TENM3: variants seen among roughly 807,000 people sequenced by gnomAD.
TENM3 encodes teneurin transmembrane protein 3.
TENM3 carries 63 observed loss-of-function variants against 255.1 expected under a neutral mutation model. The ratio of observed to expected loss-of-function variants is 0.25; its 90% CI spans 0.20 to 0.30. The LOEUF (loss-of-function observed/expected upper bound fraction) is 0.30, where lower values mean the gene tolerates loss of function less well. Among genes scored for constraint, TENM3 ranks in the 10% least tolerant of loss-of-function variants. TENM3 has a pLI of 1.00. For missense variants in TENM3, 2,929 were observed against 3,461.1 expected (o/e 0.85, Z 3.86); for synonymous variants, 1,306 against 1,322.3 (o/e 0.99, Z 0.27).
chr4:182,127,069 T>C, the TENM3 span, among the ~76,000 whole-genome samples: 1 of 152,354 alleles, frequency 6.6e-6, no homozygotes, highest in Admixed American at 6.5e-5. Flanking sequence ...TAGGACATCA[T>C]ATACTGCAAT....
chr4:182,447,883 AAAATT>A (rs2151294588), intron 3 of TENM3, among the ~76,000 whole-genome samples: 1 of 152,344 alleles, frequency 6.6e-6, no homozygotes, highest in South Asian at 2.1e-4. Context: ...TTCTGGAAGA[AAAATT>A]AAAGGAAGGA....
chr4:181,579,388 G>T, the TENM3 span, among the ~76,000 whole-genome samples: 16 of 152,084 alleles, frequency 1.1e-4, no homozygotes, highest in Non-Finnish European at 2.1e-4. Context: ...CTCGAATTTT[G>T]TAATTTAAGA....
the TENM3 span, among the ~76,000 whole-genome samples, chr4:181,825,394 C>G: frequency 1.2e-5 from 1 of 84,572 alleles, no homozygotes; most frequent in Non-Finnish European, 2.1e-5. Flanking sequence ...GAGTGAGACT[C>G]CATCTCAAAA....
chr4:182,696,484 T>C (rs1210799720), intron 12 of TENM3, among the ~76,000 whole-genome samples: 1 of 152,172 alleles, frequency 6.6e-6, no homozygotes, highest in Non-Finnish European at 1.5e-5. Context: ...CCCAGCACTT[T>C]GGGAGGCCAA....
At chr4:182,131,928 C>T in the TENM3 span, among the ~76,000 whole-genome samples, 1 of 152,058 alleles carries the variant, frequency 6.6e-6, no homozygotes, top group African/African-American at 2.4e-5. Flanking sequence ...GGATTACCAA[C>T]TTCTACAAGC....
At chr4:182,419,339 C>G (rs576227795) in intron 3 of TENM3, among the ~76,000 whole-genome samples, 4 of 152,222 alleles carry the variant, frequency 2.6e-5, no homozygotes, top group East Asian at 3.9e-4. Flanking sequence ...CACACCAGTT[C>G]GAATGGCAAT....
At chr4:181,573,299 T>G in the TENM3 span, among the ~76,000 whole-genome samples, 2 of 152,170 alleles carry the variant, frequency 1.3e-5, no homozygotes, top group African/African-American at 4.8e-5. Flanking sequence ...TATTTTTAGT[T>G]TTTTGAGGAA....
intron 4 of TENM3, among the ~76,000 whole-genome samples, chr4:182,620,677 A>G (rs903626363): frequency 6.6e-6 from 1 of 152,220 alleles, no homozygotes; most frequent in East Asian, 1.9e-4. Flanking sequence ...TTCTTTACTT[A>G]CATACTAGAA....
intron 1 of TENM3, among the ~76,000 whole-genome samples, chr4:182,181,042 T>C (rs1752809518): frequency 6.6e-6 from 1 of 152,160 alleles, no homozygotes; most frequent in Non-Finnish European, 1.5e-5. Flanking sequence ...TTTTTTAATT[T>C]ACTAGAGATA....
the TENM3 span, among the ~76,000 whole-genome samples, chr4:181,929,701 T>C: frequency 6.6e-6 from 1 of 152,052 alleles, no homozygotes; most frequent in Non-Finnish European, 1.5e-5. Context: ...TCTACAGAAC[T>C]CTCCACCTCA....
At chr4:182,145,209 C>T (rs537416873) in intron 1 of TENM3, 1 of 152,170 alleles carries the variant, frequency 6.6e-6, no homozygotes, top group African/African-American at 2.4e-5. Context: ...GGGATGTCAC[C>T]GCTTTCCGGG....
the TENM3 span, among the ~76,000 whole-genome samples, chr4:181,453,089 A>C: frequency 6.6e-6 from 1 of 152,322 alleles, no homozygotes; most frequent in East Asian, 1.9e-4. Context: ...TAGAGCAGGA[A>C]AACTCAGATC....
At chr4:182,605,615 G>A (rs993574073) in intron 4 of TENM3, among the ~76,000 whole-genome samples, 1 of 152,154 alleles carries the variant, frequency 6.6e-6, no homozygotes, top group Non-Finnish European at 1.5e-5. Flanking sequence ...GACTAGGAAG[G>A]GATATTGTTT....
intron 27 of TENM3, 39 bp downstream of exon 27, chr4:182,796,806 C>G (rs1322991980): frequency 4.5e-6 from 7 of 1,545,530 alleles, no homozygotes; most frequent in Non-Finnish European, 6.2e-6. Flanking sequence ...TGATAAGTAG[C>G]TTGTGTCTTA....
the TENM3 span, among the ~76,000 whole-genome samples, chr4:181,634,023 A>T: frequency 6.6e-6 from 1 of 152,132 alleles, no homozygotes; most frequent in Non-Finnish European, 1.5e-5. Context: ...TGTGACTTCC[A>T]TCTTCAGTTC....
the TENM3 span, among the ~76,000 whole-genome samples, chr4:181,784,733 A>T: frequency 6.6e-6 from 1 of 152,200 alleles, no homozygotes; most frequent in East Asian, 1.9e-4. Context: ...TTTCAAACCA[A>T]GGGACAGTCA....
chr4:181,892,043 A>C, the TENM3 span, among the ~76,000 whole-genome samples: 2 of 152,344 alleles, frequency 1.3e-5, no homozygotes, highest in South Asian at 2.1e-4. Flanking sequence ...GAGGCTCACC[A>C]GACACCAAAC....
the TENM3 span, among the ~76,000 whole-genome samples, chr4:181,493,731 C>A: frequency 6.6e-6 from 1 of 152,010 alleles, no homozygotes; most frequent in Non-Finnish European, 1.5e-5. Flanking sequence ...GCAACAGGAG[C>A]AAAACTCCAT....
At chr4:181,745,533 T>C in the TENM3 span, among the ~76,000 whole-genome samples, 2 of 152,148 alleles carry the variant, frequency 1.3e-5, no homozygotes, top group African/African-American at 4.8e-5. Context: ...CTGTTGAGGT[T>C]CCCTGAGGTC....
Sources: gnomAD v4.1 joint callset for allele counts (sites outside exome capture counted in the v4.1 genomes callset) on GRCh38, gnomAD v4.1.1 for gene constraint, MANE v1.5 for transcripts, NCBI Gene and HGNC (gene_info 2026-07-23, HGNC 2026-07-21) for gene names.